The following SYNE2 variants were observed in gnomAD, a reference collection of about 807,000 sequenced individuals.
The protein encoded by SYNE2 is nesprin-2.
Under a neutral mutation model 856.3 loss-of-function variants are expected in SYNE2, and 431 were observed. The ratio of observed to expected loss-of-function variants is 0.50; its 90% CI spans 0.47 to 0.55. The LOEUF is 0.55. Ranked by LOEUF, SYNE2 falls within the 20% of genes least tolerant of loss-of-function variation. SYNE2 has a pLI of 0.00. For missense variants in SYNE2, 8,129 were observed against 8,023.2 expected (o/e 1.01, Z -0.50); for synonymous variants, 2,923 against 2,872.3 (o/e 1.02, Z -0.56).
chr14:63,945,105 T>C (rs1157250778), intron 6 of SYNE2, among the ~76,000 whole-genome samples: 4 of 10,508 alleles, frequency 3.8e-4, no homozygotes, highest in African/African-American at 9.9e-4. Context: ...ACACCTGGCC[T>C]TTTTTTTTTT....
chr14:64,187,707 T>A (rs1337863503), intron 97 of SYNE2, among the ~76,000 whole-genome samples: 1 of 152,218 alleles, frequency 6.6e-6, no homozygotes, highest in African/African-American at 2.4e-5. Flanking sequence ...CTTGGTTTCC[T>A]GGTCCATATA....
chr14:63,861,424 T>C (rs1893681353), intron 1 of SYNE2, among the ~76,000 whole-genome samples: 1 of 151,912 alleles, frequency 6.6e-6, no homozygotes, highest in Admixed American at 6.6e-5. Context: ...ATTACAGGCA[T>C]GAGCCACCGT....
intron 1 of SYNE2, among the ~76,000 whole-genome samples, chr14:63,888,933 G>A (rs2095059921): frequency 6.6e-6 from 1 of 152,012 alleles, no homozygotes; most frequent in African/African-American, 2.4e-5. Flanking sequence ...CGGGCGCGGT[G>A]GCACACGCCT....
At chr14:63,869,201 G>C (rs928618413) in intron 1 of SYNE2, among the ~76,000 whole-genome samples, 4 of 152,214 alleles carry the variant, frequency 2.6e-5, no homozygotes, top group Non-Finnish European at 4.4e-5. Context: ...CCTGCTCGCT[G>C]CCTCTGGTAC....
At chr14:64,095,442 G>A (rs142616359) in intron 61 of SYNE2, among the ~76,000 whole-genome samples, 173 of 152,250 alleles carry the variant, frequency 1.1e-3, no homozygotes, top group African/African-American at 3.7e-3. Flanking sequence ...CATCACGCTC[G>A]ATCACTTGGA....
At chr14:63,901,691 A>C (rs1027098281) in intron 1 of SYNE2, among the ~76,000 whole-genome samples, 6 of 152,234 alleles carry the variant, frequency 3.9e-5, no homozygotes, top group African/African-American at 1.2e-4. Context: ...TTGGGAGGTG[A>C]GGCAGGAGGA....
chr14:64,225,122 A>G (rs2098713063), intron 115 of SYNE2, 77 bp downstream of exon 115: 2 of 1,579,252 alleles, frequency 1.3e-6, no homozygotes, highest in Admixed American at 3.4e-5. Context: ...CAATGCCACT[A>G]TCAAGGTCCT....
At chr14:64,206,520 ATTTTTTGAAAATG>A (rs772072794) in intron 100 of SYNE2, among the ~76,000 whole-genome samples, 172 of 149,582 alleles carry the variant, frequency 1.1e-3, no homozygotes, top group Non-Finnish European at 1.7e-3. Context: ...GTTTTTAAAA[ATTTTTTGAAAATG>A]TTTTTTGAAA....
rs1323429034 is a variant in SYNE2, at chr14:63,924,832, GTGT to G, written c.79+15607_79+15609del. ...TTTAACTTTTTTCCTTCCAGCCTTGGTGTTTTTTTTTTTTTTTTTTTTTTTTTT... is the reference window on the plus strand; with the variant it reads ...TTTAACTTTTTTCCTTCCAGCCTTGGTTTTTTTTTTTTTTTTTTTTTTTTT... On this transcript the variant is annotated intron_variant, in intron 2 of 115. Transcript: ENST00000555002. Among the ~76,000 whole-genome samples, 483 of 92,770 alleles carry G rather than the reference GTGT, an allele frequency of 5.2e-3. 101 individuals carry two copies. The highest frequency in any genetic ancestry group is 0.02 in the African/African-American group (443 of 22,120). The allele number at this position is 92,770 out of a possible 152,430, so 60.9% of individuals were successfully genotyped here.
At chr14:63,854,446 A>G (rs960179600) in intron 1 of SYNE2, among the ~76,000 whole-genome samples, 1 of 152,112 alleles carries the variant, frequency 6.6e-6, no homozygotes, top group African/African-American at 2.4e-5. Flanking sequence ...TCCTTCTCCA[A>G]GTTGTCTTTC....
intron 1 of SYNE2, among the ~76,000 whole-genome samples, chr14:63,840,262 C>A (rs938659088): frequency 6.6e-6 from 1 of 151,766 alleles, no homozygotes; most frequent in African/African-American, 2.4e-5. Context: ...CAGAGCAAGA[C>A]CCTGTCTCAA....
At chr14:64,050,692 T>C (rs2097218999) in intron 47 of SYNE2, among the ~76,000 whole-genome samples, 1 of 152,150 alleles carries the variant, frequency 6.6e-6, no homozygotes, top group Non-Finnish European at 1.5e-5. Context: ...TTAAATTTAG[T>C]CTTCATATGT....
At chr14:64,077,899 C>G (rs1047840943) in intron 54 of SYNE2, among the ~76,000 whole-genome samples, 2 of 152,050 alleles carry the variant, frequency 1.3e-5, no homozygotes, top group African/African-American at 4.8e-5. Flanking sequence ...GGGAAAACAT[C>G]TACAAATGGT....
chr14:64,159,464 G>C, intron 87 of SYNE2, 22 bp downstream of exon 87: 1 of 1,611,540 alleles, frequency 6.2e-7, no homozygotes, highest in South Asian at 1.1e-5. Context: ...GATATAATTT[G>C]AATGATAGAT....
intron 57 of SYNE2, among the ~76,000 whole-genome samples, chr14:64,086,312 TAC>T (rs2097560874): frequency 6.6e-6 from 1 of 152,266 alleles, no homozygotes; most frequent in South Asian, 2.1e-4. Flanking sequence ...ATTGACCTTA[TAC>T]ATGTGCATCT....
At position 64,143,696 on chromosome 14, in the gene SYNE2, C is replaced by T. The variant is rs916591395; in HGVS notation, c.15307-76C>T. 5.3e-6 allele frequency: 8 copies of T among 1,519,862 alleles called. No homozygotes were observed. In the African/African-American group the frequency reaches 5.5e-5, roughly 10 times the overall value. 94.1% of individuals were successfully genotyped at this position (1,519,862 alleles called of 1,614,324 possible). A position where few individuals can be genotyped will look rare whatever the true frequency, so the allele number is the denominator to read the frequency against. ...AATGGACGGGAGCTTGGTGCCCCCTCGAGCACATAAAGGGAAATCCATTTG... is the reference window on the plus strand; with the variant it reads ...AATGGACGGGAGCTTGGTGCCCCCTTGAGCACATAAAGGGAAATCCATTTG... On this transcript the variant is annotated intron_variant, in intron 82 of 115. Coordinates refer to ENST00000555002, the MANE Select transcript of SYNE2 (RefSeq NM_182914.3).
intron 59 of SYNE2, among the ~76,000 whole-genome samples, chr14:64,090,432 C>T (rs561363138): frequency 2.8e-4 from 42 of 152,252 alleles, no homozygotes; most frequent in Admixed American, 2.0e-3. Context: ...TAATTATACT[C>T]CTGGGACTCA....
chr14:64,215,917 A>G lies in SYNE2; in HGVS notation c.19403-331A>G, dbSNP rs139428152. 1.7e-3 allele frequency: 2,249 copies of G among 1,291,470 alleles called. 4 individuals carry two copies. The highest frequency in any genetic ancestry group is 2.0e-3 in the Non-Finnish European group (2,054 of 1,008,936). 80.0% of individuals were successfully genotyped at this position (1,291,470 alleles called of 1,614,324 possible). On this transcript the variant is annotated intron_variant, in intron 107 of 115. Transcript: ENST00000555002. ...CATCTTGATGTTCACTCTTCCCCTC[A>G]CTCCTGAGAGGCCTTCTGCCATCTT...
intron 99 of SYNE2, chr14:64,190,476 T>G (rs1428411079): frequency 1.4e-5 from 9 of 649,630 alleles, no homozygotes; most frequent in Non-Finnish European, 2.2e-5. Context: ...TAGAGTAGTT[T>G]TAATGAAGAG....
Sources: allele counts gnomAD v4.1 joint callset (sites outside exome capture counted in the v4.1 genomes callset), GRCh38; gene constraint gnomAD v4.1.1; transcripts MANE v1.5; gene names NCBI Gene and HGNC (gene_info 2026-07-23, HGNC 2026-07-21).